Variants in DGCR2 observed in about 807,000 individuals in gnomAD.
DGCR2 encodes the protein integral membrane protein DGCR2/IDD.
A neutral mutation model predicts 51.6 loss-of-function variants in DGCR2; 24 were observed. That is an observed-to-expected ratio of 0.47 (90% CI 0.34 to 0.65). The LOEUF (loss-of-function observed/expected upper bound fraction) is 0.65. DGCR2 is among the 30% of genes least tolerant of loss of function. DGCR2 has a pLI of 0.01. For synonymous variants in DGCR2, 340 were observed against 315.4 expected (o/e 1.08, Z -0.82); for missense variants, 765 against 772.1 (o/e 0.99, Z 0.11).
chr22:19,097,543 C>T (rs2083155684), intron 1 of DGCR2, among the ~76,000 whole-genome samples: 1 of 152,070 alleles, frequency 6.6e-6, no homozygotes, highest in African/African-American at 2.4e-5. Context: ...CAGAGCAAGG[C>T]TCTGTCTCGA....
intron 1 of DGCR2, among the ~76,000 whole-genome samples, chr22:19,103,556 G>A (rs1433200932): frequency 1.0e-4 from 15 of 146,454 alleles, no homozygotes; most frequent in South Asian, 2.2e-4. Flanking sequence ...TCAGCCTCCC[G>A]AGTAGCTGAG....
chr22:19,120,514 ACT>A (rs1259325826), intron 1 of DGCR2, among the ~76,000 whole-genome samples: 4 of 152,132 alleles, frequency 2.6e-5, no homozygotes, highest in African/African-American at 9.7e-5. Context: ...ACCCACAGGC[ACT>A]TTCTCAGTTG....
chr22:19,083,169 G>T (rs1388006317), intron 2 of DGCR2, among the ~76,000 whole-genome samples: 1 of 152,056 alleles, frequency 6.6e-6, no homozygotes, highest in Non-Finnish European at 1.5e-5. Flanking sequence ...ATCCAAAACT[G>T]AATTTCCTGT....
At chr22:19,071,585 C>G (rs983376701) in intron 2 of DGCR2, among the ~76,000 whole-genome samples, 3 of 152,182 alleles carry the variant, frequency 2.0e-5, no homozygotes, top group Admixed American at 6.5e-5. Flanking sequence ...ATGGCAATGT[C>G]ATGAAAGACG....
intron 1 of DGCR2, among the ~76,000 whole-genome samples, chr22:19,107,261 G>A (rs906008509): frequency 7.2e-5 from 11 of 152,130 alleles, no homozygotes; most frequent in Non-Finnish European, 1.5e-4. Context: ...CACCACTGGA[G>A]ACAGGTGGCC....
At position 19,062,775 on chromosome 22, in the gene DGCR2, G is replaced by GCGCGCTCTCTCTCT. The variant is rs1555903875; in HGVS notation, c.625+426_625+427insAGAGAGAGAGCGCG. On this transcript the variant is annotated intron_variant, in intron 5 of 9. Coordinates refer to ENST00000263196, the MANE Select transcript of DGCR2 (RefSeq NM_005137.3). ...TCTTTGCGCACACACACACATGCATGCTCACTCTCTCTCTCTCTCTCTCTC... is the reference window on the plus strand; with the variant it reads ...TCTTTGCGCACACACACACATGCATGCGCGCTCTCTCTCTCTCACTCTCTCTCTCTCTCTCTCTC... Among the ~76,000 whole-genome samples the GCGCGCTCTCTCTCT allele has an allele frequency of 2.8e-5, 3 of 108,966 alleles. No individual in the cohort carries two copies. In the South Asian group the frequency reaches 1.2e-3, roughly 44 times the overall value. The allele number at this position is 108,966 out of a possible 152,430, so 71.5% of individuals were successfully genotyped here.
chr22:19,042,003 C>A lies in DGCR2; in HGVS notation c.1007-44G>T, dbSNP rs1179678720. ...AATGGCCGCTCTGAGAAGGGGGCCA[C>A]CCTCGTGCTACGCTGGGGATGCTGT... On this transcript the variant is annotated intron_variant, in intron 7 of 9. Transcript: ENST00000263196. 1.9e-6 allele frequency: 3 copies of A among 1,589,722 alleles called. No individual in the cohort carries two copies. The Admixed American group carries it at 5.2e-5, about 28-fold the overall frequency.
At chr22:19,054,606 A>G (rs186745056) in intron 6 of DGCR2, among the ~76,000 whole-genome samples, 24 of 152,240 alleles carry the variant, frequency 1.6e-4, no homozygotes, top group Middle Eastern at 3.4e-3. Flanking sequence ...AAATGAGTCA[A>G]TGTAGTCCCA....
At chr22:19,042,582 G>C (rs1263774732) in intron 7 of DGCR2, among the ~76,000 whole-genome samples, 1 of 152,224 alleles carries the variant, frequency 6.6e-6, no homozygotes, top group Non-Finnish European at 1.5e-5. Flanking sequence ...TGCGGAGCAT[G>C]GCTCGGGCGG....
chr22:19,082,559 G>A (rs750198045), intron 2 of DGCR2, among the ~76,000 whole-genome samples: 15 of 151,894 alleles, frequency 9.9e-5, no homozygotes, highest in Non-Finnish European at 1.9e-4. Context: ...AGCCCAGCCC[G>A]GCCAACATGG....
At chr22:19,094,158 C>A (rs549271746) in intron 1 of DGCR2, among the ~76,000 whole-genome samples, 1 of 152,194 alleles carries the variant, frequency 6.6e-6, no homozygotes. Context: ...TGGGGCACGG[C>A]GGCCCATGCC....
rs149399665 is a variant in DGCR2 at position 19,059,866 on chromosome 22, C to T, written c.626-2704G>A. On this transcript the variant is annotated intron_variant, in intron 5 of 9. Transcript: ENST00000263196. ...TGCCACCTCCATGTCCACCGCTGCT[C>T]GCCGAGCCTGGAGAACCCTCCCCGG... is the stretch of plus-strand genomic sequence containing the variant. Among the ~76,000 whole-genome samples, 10 of 152,160 alleles carry T rather than the reference C, an allele frequency of 6.6e-5. No individual in the cohort carries two copies. The East Asian group carries it at 1.7e-3, about 27-fold the overall frequency.
intron 4 of DGCR2, 57 bp downstream of exon 4, chr22:19,064,791 G>A: frequency 6.6e-7 from 1 of 1,526,136 alleles, no homozygotes; most frequent in Non-Finnish European, 9.0e-7. Flanking sequence ...GAGGCCATGT[G>A]CTCAGTAGTC....
chr22:19,060,653 C>G, intron 5 of DGCR2: 1 of 266,534 alleles, frequency 3.8e-6, no homozygotes, highest in Non-Finnish European at 7.6e-6. Flanking sequence ...ACACAAGGAT[C>G]TGTACTTTTT....
At chr22:19,054,017 A>G (rs1471015032) in intron 6 of DGCR2, among the ~76,000 whole-genome samples, 1 of 152,262 alleles carries the variant, frequency 6.6e-6, no homozygotes, top group Non-Finnish European at 1.5e-5. Context: ...AAGGACTAAA[A>G]GAATCCAAGA....
intron 1 of DGCR2, 150 bp from the exon 2 acceptor site, chr22:19,089,640 G>A (rs1601267064): frequency 1.1e-6 from 1 of 935,792 alleles, no homozygotes; most frequent in Non-Finnish European, 1.4e-6. Context: ...AGTGCCAGTG[G>A]TGCAGTCTCA....
At chr22:19,083,840 T>C (rs1341874275) in intron 2 of DGCR2, among the ~76,000 whole-genome samples, 3 of 150,160 alleles carry the variant, frequency 2.0e-5, no homozygotes, top group African/African-American at 7.4e-5. Context: ...TGCCTCAGCC[T>C]GCCGAGTGCC....
chr22:19,048,780 A>T, intron 6 of DGCR2, 137 bp from the exon 7 acceptor site: 1 of 805,710 alleles, frequency 1.2e-6, no homozygotes, highest in Non-Finnish European at 2.0e-6. Flanking sequence ...AATGGGAAGG[A>T]GGCAGCTGGA....
intron 4 of DGCR2, among the ~76,000 whole-genome samples, chr22:19,064,556 TGC>T (rs1341921891): frequency 3.9e-5 from 6 of 152,160 alleles, no homozygotes; most frequent in Non-Finnish European, 7.3e-5. Context: ...GCCCCCTGCC[TGC>T]GCTCAGCAAC....
Sources: allele counts gnomAD v4.1 joint callset (sites outside exome capture counted in the v4.1 genomes callset), GRCh38; gene constraint gnomAD v4.1.1; transcripts MANE v1.5; gene names NCBI Gene and HGNC (gene_info 2026-07-23, HGNC 2026-07-21).